Variants in PCCA observed in about 807,000 individuals in gnomAD.
PCCA encodes the protein propionyl-CoA carboxylase alpha chain, mitochondrial.
PCCA carries 74 observed loss-of-function variants against 101.3 expected under a neutral mutation model. The observed-to-expected ratio is 0.73, with a 90% CI of 0.61 to 0.89. The LOEUF is 0.89. Ranked by LOEUF, PCCA falls within the 40% of genes least tolerant of loss-of-function variation. The pLI, the probability that PCCA is intolerant of heterozygous loss-of-function variation, is 0.00. For missense variants in PCCA, 891 were observed against 907.0 expected, an observed-to-expected ratio of 0.98 and a Z score of 0.23; for synonymous variants, 294 against 313.6, an observed-to-expected ratio of 0.94 and a Z score of 0.66.
In PCCA at chr13:100,368,538, T is replaced by C; in HGVS notation, c.1710T>C (p.His570=). The change falls in exon 19 of 24, where the codon CAT becomes CAC. Residue 570 remains histidine (H), a synonymous_variant. Coordinates refer to ENST00000376285, the MANE Select transcript of PCCA (RefSeq NM_000282.4). Reference sequence around the variant, plus strand: ...CAGTAAAATTGCATGATAAAGTTCATACCGTAGTAGCATCAAACAATGGGT... The same window carrying C: ...CAGTAAAATTGCATGATAAAGTTCACACCGTAGTAGCATCAAACAATGGGT... ...ELSVKLHDKV[H]TVVASNNGSV... 6.2e-7 allele frequency: 1 copy of C among 1,611,336 alleles called. No individual in the cohort carries two copies. The highest frequency in any genetic ancestry group is 8.5e-7 in the Non-Finnish European group (1 of 1,177,722).
Position 100,301,495 on chromosome 13 carries a change from G to A in PCCA, c.1101G>A (p.Leu367=), listed in dbSNP as rs186756601. The change falls in exon 13 of 24, where the codon CTG becomes CTA. Residue 367 remains leucine, a synonymous_variant. Coordinates refer to ENST00000376285, the MANE Select transcript of PCCA (RefSeq NM_000282.4). ...CTGTCACAGAATGCATTACTGGCCT[G>A]GACCTAGTCCAGGAAATGATCCGTG... ...EHPVTECITG[L]DLVQEMIRVA... is the part of the protein sequence containing the mutation. 46 of 1,614,032 alleles carry A rather than the reference G, an allele frequency of 2.9e-5. No individual in the cohort carries two copies. The Admixed American group carries it at 3.3e-4, about 12-fold the overall frequency.
chr13:100,098,584 G>A (rs144941906), intron 1 of PCCA, among the ~76,000 whole-genome samples: 78 of 152,290 alleles, frequency 5.1e-4, no homozygotes, highest in African/African-American at 1.8e-3. Context: ...GTGCAGGTGT[G>A]AGCCGTTAGT....
intron 20 of PCCA, among the ~76,000 whole-genome samples, chr13:100,443,613 A>G (rs2080544712): frequency 6.6e-6 from 1 of 151,522 alleles, no homozygotes; most frequent in South Asian, 2.1e-4. Context: ...AGCTGAATGC[A>G]CAGACTTTCT....
chr13:100,283,520 C>A (rs2064313687), intron 12 of PCCA, among the ~76,000 whole-genome samples: 1 of 152,222 alleles, frequency 6.6e-6, no homozygotes, highest in Non-Finnish European at 1.5e-5. Flanking sequence ...TCCCCTGTCA[C>A]CCGAATCACT....
At chr13:100,134,129 C>T (rs1044417702) in intron 4 of PCCA, among the ~76,000 whole-genome samples, 5 of 152,146 alleles carry the variant, frequency 3.3e-5, no homozygotes, top group African/African-American at 9.7e-5. Flanking sequence ...AATAAACTCC[C>T]CTTCATATGT....
chr13:100,139,265 A>G (rs551304738), intron 4 of PCCA, among the ~76,000 whole-genome samples: 1 of 152,012 alleles, frequency 6.6e-6, no homozygotes, highest in South Asian at 2.1e-4. Context: ...ATGTAGGTTT[A>G]TGTCTTTTAC....
Position 100,527,660 on chromosome 13 carries a change from AT to A in PCCA, c.2041-10del, listed in dbSNP as rs756549491. On this transcript the variant is annotated splice_polypyrimidine_tract_variant and intron_variant, in intron 22 of 23. Coordinates refer to ENST00000376285, the MANE Select transcript of PCCA (RefSeq NM_000282.4). ...TAGAATGCTTTTAAAACTTCTGCCC[AT>A]TTTTGTTTTCCAGGTAGCAGAAGGT... 14 of 1,597,372 alleles carry A rather than the reference AT, an allele frequency of 8.8e-6. No individual in the cohort carries two copies. The African/African-American group carries it at 1.3e-4, about 15-fold the overall frequency.
intron 6 of PCCA, among the ~76,000 whole-genome samples, chr13:100,178,894 T>G (rs577582470): frequency 1.3e-5 from 2 of 151,506 alleles, no homozygotes; most frequent in Non-Finnish European, 2.9e-5. Flanking sequence ...TGGCTAACAC[T>G]GTGAAACCCC....
intron 4 of PCCA, among the ~76,000 whole-genome samples, chr13:100,128,350 G>C (rs928199089): frequency 6.6e-6 from 1 of 152,140 alleles, no homozygotes; most frequent in Non-Finnish European, 1.5e-5. Context: ...CCTGTTGGAG[G>C]CTGGGTACTA....
intron 22 of PCCA, among the ~76,000 whole-genome samples, chr13:100,515,920 A>G (rs2086803933): frequency 6.6e-6 from 1 of 152,242 alleles, no homozygotes; most frequent in South Asian, 2.1e-4. Context: ...GCCAGGGAAT[A>G]ATACTCCGAT....
At chr13:100,382,058 T>TC (rs2076259218) in intron 19 of PCCA, among the ~76,000 whole-genome samples, 4 of 152,196 alleles carry the variant, frequency 2.6e-5, no homozygotes, top group African/African-American at 9.6e-5. Flanking sequence ...GCTGCTGCCC[T>TC]CCACCAGCGA....
At chr13:100,237,017 C>T (rs1448039173) in intron 8 of PCCA, 1 of 152,204 alleles carries the variant, frequency 6.6e-6, no homozygotes, top group East Asian at 1.9e-4. Flanking sequence ...AGCATCTCAT[C>T]GTGCCACACG....
intron 1 of PCCA, among the ~76,000 whole-genome samples, chr13:100,100,327 G>A (rs1382991353): frequency 1.3e-5 from 2 of 152,102 alleles, no homozygotes; most frequent in Non-Finnish European, 1.5e-5. Context: ...GAGAACCAGT[G>A]GCAATATGTT....
intron 6 of PCCA, among the ~76,000 whole-genome samples, chr13:100,202,070 C>A (rs1282939861): frequency 6.6e-6 from 1 of 150,716 alleles, no homozygotes; most frequent in Non-Finnish European, 1.5e-5. Flanking sequence ...TGGCTCATGC[C>A]TGCAATCCCA....
intron 18 of PCCA, among the ~76,000 whole-genome samples, chr13:100,350,742 T>A (rs567969270): frequency 6.6e-6 from 1 of 152,330 alleles, no homozygotes; most frequent in South Asian, 2.1e-4. Context: ...TTCCAGAAGC[T>A]CTTGCACACT....
At chr13:100,326,437 A>G (rs997181091) in intron 16 of PCCA, among the ~76,000 whole-genome samples, 1 of 152,226 alleles carries the variant, frequency 6.6e-6, no homozygotes, top group Non-Finnish European at 1.5e-5. Context: ...CAAGACTGCT[A>G]TTGACTTATT....
intron 21 of PCCA, among the ~76,000 whole-genome samples, chr13:100,514,762 G>A (rs867019776): frequency 9.2e-5 from 14 of 152,144 alleles, no homozygotes; most frequent in Admixed American, 5.2e-4. Context: ...TGATGTTATT[G>A]TCTCTCAGTG....
At chr13:100,479,085 C>A (rs1302615332) in intron 21 of PCCA, among the ~76,000 whole-genome samples, 1 of 152,210 alleles carries the variant, frequency 6.6e-6, no homozygotes, top group Non-Finnish European at 1.5e-5. Flanking sequence ...AGCCCCACTA[C>A]TCACTTTTAT....
At chr13:100,321,774 G>A (rs1427509213) in intron 16 of PCCA, among the ~76,000 whole-genome samples, 5 of 151,960 alleles carry the variant, frequency 3.3e-5, no homozygotes, top group East Asian at 1.9e-4. Context: ...TTTTCTAAAC[G>A]TCTTGAGGCA....
Sources: gnomAD v4.1 joint callset for allele counts (sites outside exome capture counted in the v4.1 genomes callset) on GRCh38, gnomAD v4.1.1 for gene constraint, MANE v1.5 for transcripts, NCBI Gene and HGNC (gene_info 2026-07-23, HGNC 2026-07-21) for gene names.